DLG1: variants seen among roughly 807,000 people sequenced by gnomAD.
DLG1 encodes disks large homolog 1.
In DLG1, 42 loss-of-function variants were observed where a neutral mutation model predicts 123.4. The observed-to-expected ratio is 0.34, with a 90% CI of 0.27 to 0.44. The LOEUF is 0.44. Ranked by LOEUF, DLG1 falls within the 20% of genes least tolerant of loss-of-function variation. The pLI, the probability that DLG1 is intolerant of heterozygous loss-of-function variation, is 1.00. For synonymous variants in DLG1, 317 were observed against 356.2 expected, an observed-to-expected ratio of 0.89 and a Z score of 1.24; for missense variants, 942 against 1,082.6, an observed-to-expected ratio of 0.87 and a Z score of 1.82.
chr3:197,115,371 C>CAA (rs959494776), intron 13 of DLG1, among the ~76,000 whole-genome samples: 1 of 131,250 alleles, frequency 7.6e-6, no homozygotes, highest in African/African-American at 2.8e-5. Context: ...AATATCAAGC[C>CAA]AAAAAAAAAA....
intron 5 of DLG1, among the ~76,000 whole-genome samples, chr3:197,191,302 ACT>A (rs912024716): frequency 8.6e-5 from 13 of 152,026 alleles, no homozygotes; most frequent in Non-Finnish European, 1.8e-4. Flanking sequence ...ACATCTGGAG[ACT>A]CTGGGTAAAC....
intron 20 of DLG1, 59 bp downstream of exon 20, chr3:197,066,645 C>G: frequency 7.4e-7 from 1 of 1,343,602 alleles, no homozygotes; most frequent in Non-Finnish European, 1.0e-6. Flanking sequence ...ATTTTTTTCC[C>G]CCAAATTAAA....
intron 21 of DLG1, 29 bp from the exon 22 acceptor site, chr3:197,065,477 T>C: frequency 1.9e-6 from 3 of 1,539,316 alleles, no homozygotes; most frequent in Non-Finnish European, 2.6e-6. Flanking sequence ...TGGGAAAGTG[T>C]TTAATATTAA....
Position 197,068,412 on chromosome 3 carries a change from G to A in DLG1, c.2047+807C>T, listed in dbSNP as rs1447003207. ...AAAAAAATCATTAAGTAACTATTGT[G>A]TAGAAAAATAATCAACCAAATGAAT... is the stretch of plus-strand genomic sequence containing the variant. On this transcript the variant is annotated intron_variant, in intron 19 of 24. Coordinates refer to ENST00000667157, the MANE Select transcript of DLG1 (RefSeq NM_001366207.1). The A allele has an allele frequency of 1.2e-5, 10 of 858,460 alleles. No individual in the cohort carries two copies. In the East Asian group the frequency reaches 2.6e-4, roughly 23 times the overall value. The allele number at this position is 858,460 out of a possible 1,614,324, so 53.2% of individuals were successfully genotyped here.
intron 5 of DLG1, among the ~76,000 whole-genome samples, chr3:197,176,817 C>T (rs1249439469): frequency 6.6e-6 from 1 of 151,984 alleles, no homozygotes; most frequent in African/African-American, 2.4e-5. Flanking sequence ...TGGGCAAATA[C>T]CAAGGAGTAC....
intron 23 of DLG1, among the ~76,000 whole-genome samples, chr3:197,058,360 C>G (rs1733339509): frequency 6.7e-6 from 1 of 149,598 alleles, no homozygotes. Context: ...ACATTTAAAG[C>G]TGTGTGTATT....
At chr3:197,243,903 A>T (rs748829565) in intron 4 of DLG1, among the ~76,000 whole-genome samples, 4 of 152,202 alleles carry the variant, frequency 2.6e-5, no homozygotes, top group Non-Finnish European at 5.9e-5. Flanking sequence ...CACGAGGGAC[A>T]TCTCTTGTTT....
At chr3:197,179,293 A>G (rs13319709) in intron 5 of DLG1, among the ~76,000 whole-genome samples, 25,501 of 151,968 alleles carry the variant, frequency 0.17, 2,375 homozygotes, top group African/African-American at 0.25. Context: ...AATCACTTAA[A>G]TTTAGTCATC....
chr3:197,066,711 T>C lies in DLG1; in HGVS notation c.2091A>G (p.Gln697=), dbSNP rs761145009. The change falls in exon 20 of 25, where the codon CAA becomes CAG. Residue 697 remains glutamine (Q), a synonymous_variant. Coordinates refer to ENST00000667157, the MANE Select transcript of DLG1 (RefSeq NM_001366207.1). ...EYVLSYEPVN[Q]QEVNYTRPVI... The stretch of plus-strand genomic sequence containing the variant: ...TCAATAGGCTTCACAAACCTTCTTG[T>C]TGATTCACTGGTTCATAAGATAAGA... 4.4e-6 allele frequency: 7 copies of C among 1,604,426 alleles called. No homozygotes were observed. The Admixed American group carries it at 5.0e-5, about 11-fold the overall frequency.
At chr3:197,216,367 T>C (rs989572882) in intron 4 of DLG1, among the ~76,000 whole-genome samples, 6 of 152,142 alleles carry the variant, frequency 3.9e-5, no homozygotes, top group Non-Finnish European at 8.8e-5. Context: ...TGGCAGGACT[T>C]ATGAGAGTGA....
At chr3:197,102,049 G>A (rs1026518691) in intron 14 of DLG1, among the ~76,000 whole-genome samples, 4 of 152,142 alleles carry the variant, frequency 2.6e-5, no homozygotes, top group African/African-American at 2.4e-5. Flanking sequence ...GAGCCACCAC[G>A]TCCAGCTAAT....
intron 5 of DLG1, among the ~76,000 whole-genome samples, chr3:197,174,310 C>G (rs1435901331): frequency 6.6e-6 from 1 of 152,038 alleles, no homozygotes; most frequent in Non-Finnish European, 1.5e-5. Flanking sequence ...AAAAATAAGC[C>G]AATTCTCTCT....
intron 4 of DLG1, among the ~76,000 whole-genome samples, chr3:197,199,945 T>G (rs1386965130): frequency 1.3e-5 from 2 of 152,164 alleles, no homozygotes; most frequent in Non-Finnish European, 2.9e-5. Flanking sequence ...TAAACACATT[T>G]CCTCATCCTT....
chr3:197,253,021 G>C (rs1265245194), intron 4 of DLG1, among the ~76,000 whole-genome samples: 1 of 152,050 alleles, frequency 6.6e-6, no homozygotes, highest in Non-Finnish European at 1.5e-5. Context: ...TCAAAACCTA[G>C]GGTTAGGCAA....
chr3:197,230,717 A>G (rs1369540255), intron 4 of DLG1, among the ~76,000 whole-genome samples: 1 of 152,188 alleles, frequency 6.6e-6, no homozygotes, highest in Admixed American at 6.5e-5. Flanking sequence ...TGAGTTTCAT[A>G]CCAAAGATAG....
At chr3:197,253,827 A>G (rs910863540) in intron 4 of DLG1, among the ~76,000 whole-genome samples, 5 of 152,162 alleles carry the variant, frequency 3.3e-5, no homozygotes, top group Admixed American at 2.6e-4. Context: ...TTACTACTAG[A>G]GGAAACTGGG....
At chr3:197,262,658 A>G (rs1326328506) in intron 4 of DLG1, among the ~76,000 whole-genome samples, 1 of 152,142 alleles carries the variant, frequency 6.6e-6, no homozygotes, top group African/African-American at 2.4e-5. Flanking sequence ...GACTACTACT[A>G]TCTCCAAGTA....
chr3:197,048,719 G>A (rs1023528410), intron 24 of DLG1, among the ~76,000 whole-genome samples: 2 of 152,024 alleles, frequency 1.3e-5, no homozygotes, highest in African/African-American at 4.8e-5. Flanking sequence ...GCAATTGTGC[G>A]ATCTTGGCTC....
chr3:197,095,929 G>C (rs1266642035), intron 14 of DLG1, among the ~76,000 whole-genome samples: 1 of 152,116 alleles, frequency 6.6e-6, no homozygotes, highest in African/African-American at 2.4e-5. Context: ...GTACTTGCTT[G>C]TTTTCTGGCA....
Sources: gnomAD v4.1 joint callset for allele counts (sites outside exome capture counted in the v4.1 genomes callset) on GRCh38, gnomAD v4.1.1 for gene constraint, MANE v1.5 for transcripts, NCBI Gene and HGNC (gene_info 2026-07-23, HGNC 2026-07-21) for gene names.